PCDH19: variants seen among roughly 807,000 people sequenced by gnomAD.
PCDH19 encodes the protein protocadherin-19.
In PCDH19, 6 loss-of-function variants were observed where a neutral mutation model predicts 46.2. The observed-to-expected ratio is 0.13, with a 90% CI of 0.07 to 0.26. PCDH19 has a LOEUF of 0.26. PCDH19 is among the 10% of genes least tolerant of loss of function. The probability of loss-of-function intolerance (pLI) is 1.00; values close to 1 mark genes in which losing one functional copy is unlikely to be tolerated. For synonymous variants in PCDH19, 481 were observed against 415.7 expected (o/e 1.16, Z -1.91); for missense variants, 740 against 972.3 (o/e 0.76, Z 3.18).
intron 1 of PCDH19, 52 bp from the exon 2 acceptor site, chrX:100,403,716 G>A (rs1928265192): frequency 1.8e-6 from 2 of 1,082,682 alleles, no homozygotes; most frequent in Admixed American, 2.6e-5. Flanking sequence ...CCATTCAGGT[G>A]TACCTACAAG....
intron 5 of PCDH19, among the ~76,000 whole-genome samples, chrX:100,307,347 C>G (rs899365009): frequency 9.0e-6 from 1 of 111,621 alleles, no homozygotes; most frequent in African/African-American, 3.3e-5. Context: ...ATCCAGTATC[C>G]CTTTATGATT....
At chrX:100,310,802 C>G (rs1329463627) in intron 5 of PCDH19, among the ~76,000 whole-genome samples, 1 of 107,392 alleles carries the variant, frequency 9.3e-6, no homozygotes, top group Non-Finnish European at 1.9e-5. Context: ...AGTTATACAT[C>G]TAGGATGACA....
chrX:100,314,869 T>C (rs767525033), intron 5 of PCDH19, among the ~76,000 whole-genome samples: 9 of 112,398 alleles, frequency 8.0e-5, no homozygotes, highest in Non-Finnish European at 1.7e-4. Flanking sequence ...CCCACTCCTC[T>C]TCTCATCTTG....
intron 5 of PCDH19, among the ~76,000 whole-genome samples, chrX:100,312,115 GAGAGAGA>G (rs1165833168): frequency 1.8e-5 from 2 of 110,290 alleles, no homozygotes; most frequent in African/African-American, 3.3e-5. Flanking sequence ...GAGAGAGAGA[GAGAGAGA>G]AGAGAGAAGA....
rs993905534 is a variant in PCDH19, at chrX:100,294,968, T to C, written c.*1309A>G. On this transcript the variant is annotated 3_prime_UTR_variant, in exon 6 of 6. Coordinates refer to ENST00000373034, the MANE Select transcript of PCDH19 (RefSeq NM_001184880.2). The stretch of plus-strand genomic sequence containing the variant: ...ACATTTTTAATCAAAAAACTATTAG[T>C]CATAAAAAGATGAGTTCAAGTGTCT... The C allele has an allele frequency of 3.6e-5, 4 of 112,635 alleles. No homozygotes were observed. The highest frequency in any genetic ancestry group is 1.3e-4 in the African/African-American group (4 of 30,936). The allele number at this position is 112,635 out of a possible 1,213,427, so 9.3% of individuals were successfully genotyped here.
intron 5 of PCDH19, among the ~76,000 whole-genome samples, chrX:100,303,852 A>G (rs1400700185): frequency 8.9e-6 from 1 of 112,082 alleles, no homozygotes; most frequent in Non-Finnish European, 1.9e-5. Flanking sequence ...ATGGAATGAC[A>G]GACAGACATC....
chrX:100,352,771 C>T (rs943483520), intron 3 of PCDH19, among the ~76,000 whole-genome samples: 12 of 111,885 alleles, frequency 1.1e-4, no homozygotes, highest in African/African-American at 3.9e-4. Flanking sequence ...TTCCTTAGGC[C>T]TCCCCAGAAG....
In PCDH19 at chrX:100,408,897, C is replaced by A. The variant is rs1928502680; in HGVS notation, c.-300G>T. The A allele has an allele frequency of 8.8e-6, 1 of 114,057 alleles. No individual in the cohort carries two copies. The allele number at this position is 114,057 out of a possible 1,213,427, so 9.4% of individuals were successfully genotyped here. The stretch of plus-strand genomic sequence containing the variant: ...CCTCCAGCCCGGCTACTCAGTTTTA[C>A]CCCTTCAAAGTTAGCCGGGCGCGAC... On this transcript the variant is annotated 5_prime_UTR_variant, in exon 1 of 6. Transcript: ENST00000373034.
At chrX:100,381,650 C>T (rs1927555432) in intron 3 of PCDH19, among the ~76,000 whole-genome samples, 1 of 111,862 alleles carries the variant, frequency 8.9e-6, no homozygotes, top group South Asian at 3.7e-4. Flanking sequence ...TACCGTAGGC[C>T]TGAACAAAAA....
chrX:100,410,080 C>T lies in PCDH19; in HGVS notation c.-1483G>A. ...GTTTAGGATTTCGGATGAAATCGCTCAGCCGGAATGCTGCGGAGCGCAACG... is the reference window on the plus strand; with the variant it reads ...GTTTAGGATTTCGGATGAAATCGCTTAGCCGGAATGCTGCGGAGCGCAACG... On this transcript the variant is annotated 5_prime_UTR_variant, in exon 1 of 6. Coordinates refer to ENST00000373034, the MANE Select transcript of PCDH19 (RefSeq NM_001184880.2). The T allele has an allele frequency of 3.4e-6, 1 of 297,744 alleles. No individual in the cohort carries two copies. The highest frequency in any genetic ancestry group is 5.9e-6 in the Non-Finnish European group (1 of 170,718). The allele number at this position is 297,744 out of a possible 1,213,427, so 24.5% of individuals were successfully genotyped here. A position where few individuals can be genotyped will look rare whatever the true frequency, so the allele number is the denominator to read the frequency against.
Position 100,296,094 on chromosome X carries a change from ACCCCTGCTGCC to A in PCDH19, c.*172_*182del, listed in dbSNP as rs1263359633. The A allele has an allele frequency of 1.6e-3, 748 of 457,022 alleles. 2 individuals carry two copies. The highest frequency in any genetic ancestry group is 4.1e-3 in the South Asian group (121 of 29,658). 37.7% of individuals were successfully genotyped at this position (457,022 alleles called of 1,213,427 possible). On this transcript the variant is annotated 3_prime_UTR_variant, in exon 6 of 6. Transcript: ENST00000373034. ...CAAAGCTAATTTGCTCCAACTGAAC[ACCCCTGCTGCC>A]TGTTGAAACAAGGGACTGTCACAGA...
intron 3 of PCDH19, among the ~76,000 whole-genome samples, chrX:100,357,340 A>G (rs112588944): frequency 6.2e-5 from 7 of 112,001 alleles, no homozygotes; most frequent in African/African-American, 2.3e-4. Context: ...TCATATGTAC[A>G]TAACCCCCAT....
At chrX:100,328,794 C>G in intron 5 of PCDH19, among the ~76,000 whole-genome samples, 1 of 112,417 alleles carries the variant, frequency 8.9e-6, no homozygotes, top group Non-Finnish European at 1.9e-5. Flanking sequence ...ACTTAAATGG[C>G]AAGTCAGTCA....
intron 5 of PCDH19, among the ~76,000 whole-genome samples, chrX:100,332,013 G>A (rs1386978165): frequency 2.7e-5 from 3 of 111,100 alleles, no homozygotes; most frequent in Admixed American, 9.6e-5. Flanking sequence ...AAAAAGCCAC[G>A]TTTCCAAAGT....
At chrX:100,347,831 G>A (rs922247941) in intron 4 of PCDH19, among the ~76,000 whole-genome samples, 1 of 109,914 alleles carries the variant, frequency 9.1e-6, no homozygotes, top group Non-Finnish European at 1.9e-5. Context: ...GGGAGGCCAA[G>A]GTGGGTGGAT....
At chrX:100,337,294 C>T (rs1926117701) in intron 5 of PCDH19, among the ~76,000 whole-genome samples, 1 of 111,698 alleles carries the variant, frequency 9.0e-6, no homozygotes, top group South Asian at 3.8e-4. Flanking sequence ...CAAATTGCCT[C>T]AAGAACCAAA....
intron 5 of PCDH19, among the ~76,000 whole-genome samples, chrX:100,333,185 GAAAGAAAGAAA>G (rs1925961681): frequency 7.2e-4 from 46 of 63,458 alleles, no homozygotes; most frequent in African/African-American, 2.5e-3. Context: ...GAGAGAGAGA[GAAAGAAAGAAA>G]GAAAGAAAGA....
chrX:100,341,182 A>T (rs762461671), intron 5 of PCDH19, among the ~76,000 whole-genome samples: 1 of 112,241 alleles, frequency 8.9e-6, no homozygotes, highest in African/African-American at 3.2e-5. Flanking sequence ...TCGATAAAGC[A>T]TGTGTGGCTG....
At chrX:100,378,456 A>G (rs1927451273) in intron 3 of PCDH19, among the ~76,000 whole-genome samples, 1 of 112,746 alleles carries the variant, frequency 8.9e-6, no homozygotes, top group Non-Finnish European at 1.9e-5. Flanking sequence ...AATTTACATG[A>G]AAAATGGCCT....
Sources: gnomAD v4.1 joint callset for allele counts (sites outside exome capture counted in the v4.1 genomes callset) on GRCh38, gnomAD v4.1.1 for gene constraint, MANE v1.5 for transcripts, NCBI Gene and HGNC (gene_info 2026-07-23, HGNC 2026-07-21) for gene names.